The following SPATS2 variants were observed in gnomAD, a reference collection of about 807,000 sequenced individuals.
SPATS2 encodes spermatogenesis associated serine rich 2, also known as spermatogenesis-associated serine-rich protein 2.
A neutral mutation model predicts 63.7 loss-of-function variants in SPATS2; 38 were observed. That is an observed-to-expected ratio of 0.60 (90% confidence interval 0.46 to 0.78). The LOEUF (loss-of-function observed/expected upper bound fraction) is 0.78, where lower values mean the gene tolerates loss of function less well. Among genes scored for constraint, SPATS2 ranks in the 30% least tolerant of loss-of-function variants. The probability of loss-of-function intolerance (pLI) is 0.00; values close to 1 mark genes in which losing one functional copy is unlikely to be tolerated. For missense variants in SPATS2, 588 were observed against 666.2 expected (o/e 0.88, Z 1.29); for synonymous variants, 207 against 232.9 (o/e 0.89, Z 1.01).
intron 3 of SPATS2, among the ~76,000 whole-genome samples, chr12:49,480,999 C>A (rs1309757603): frequency 1.3e-5 from 2 of 152,160 alleles, no homozygotes; most frequent in African/African-American, 2.4e-5. Context: ...TCAGCTATTT[C>A]TATGTCATTC....
intron 3 of SPATS2, chr12:49,462,158 A>G (rs1280370137): frequency 2.0e-5 from 12 of 598,558 alleles, no homozygotes; most frequent in Non-Finnish European, 3.6e-5. Flanking sequence ...TCTTTATTTC[A>G]TGTCTGTGTT....
At chr12:49,481,870 T>C (rs989991047) in intron 3 of SPATS2, among the ~76,000 whole-genome samples, 3 of 152,250 alleles carry the variant, frequency 2.0e-5, no homozygotes, top group South Asian at 4.2e-4. Context: ...AATGTGTTTC[T>C]GATAGAATAC....
intron 2 of SPATS2, among the ~76,000 whole-genome samples, chr12:49,400,030 C>T (rs548916377): frequency 9.1e-4 from 138 of 152,076 alleles, no homozygotes; most frequent in African/African-American, 3.0e-3. Context: ...AGCGAGACTC[C>T]GTCTCAAAAA....
At chr12:49,434,525 C>T (rs1431999920) in intron 2 of SPATS2, among the ~76,000 whole-genome samples, 1 of 152,010 alleles carries the variant, frequency 6.6e-6, no homozygotes, top group African/African-American at 2.4e-5. Flanking sequence ...GTTCCCATTC[C>T]GATAAATATA....
intron 2 of SPATS2, among the ~76,000 whole-genome samples, chr12:49,400,061 A>G (rs867404367): frequency 5.3e-5 from 8 of 152,188 alleles, no homozygotes; most frequent in African/African-American, 1.7e-4. Context: ...ATATGGTACC[A>G]TGTACCAGGC....
intron 2 of SPATS2, among the ~76,000 whole-genome samples, chr12:49,409,172 G>A (rs1470267259): frequency 6.6e-6 from 1 of 152,170 alleles, no homozygotes; most frequent in Non-Finnish European, 1.5e-5. Context: ...AAGAATCTGG[G>A]AAATGGTGCT....
rs1470911199 is a variant in SPATS2 at position 49,516,156 on chromosome 12, AAAAAAAAAAAATAT to A, written c.898+1545_898+1558del. Among the ~76,000 whole-genome samples the A allele has an allele frequency of 3.0e-3, 122 of 41,338 alleles. 12 individuals are homozygous for A. The highest frequency in any genetic ancestry group is 6.7e-3 in the African/African-American group (59 of 8,796). 27.1% of individuals were successfully genotyped at this position (41,338 alleles called of 152,430 possible). On this transcript the variant is annotated intron_variant, in intron 10 of 13. Coordinates refer to ENST00000552918, the MANE Select transcript of SPATS2 (RefSeq NM_023071.4). ...TCCATCTCAAAAAAAAAAAAAAAAAAAAAAAAAAAAATATATATATATATATATATATATATATA... is the reference window on the plus strand; with the variant it reads ...TCCATCTCAAAAAAAAAAAAAAAAAAATATATATATATATATATATATATA...
intron 2 of SPATS2, among the ~76,000 whole-genome samples, chr12:49,430,276 T>G: frequency 6.7e-6 from 1 of 148,772 alleles, no homozygotes; most frequent in Non-Finnish European, 1.5e-5. Context: ...TTTTGTATTA[T>G]TTTTTAGTAG....
chr12:49,426,988 A>T (rs1226063998), intron 2 of SPATS2, among the ~76,000 whole-genome samples: 1 of 152,168 alleles, frequency 6.6e-6, no homozygotes, highest in African/African-American at 2.4e-5. Flanking sequence ...TTATAAATGC[A>T]TTTGTGTTGG....
At position 49,479,739 on chromosome 12, in the gene SPATS2, G is replaced by T. The variant is rs148913226; in HGVS notation, c.26-4851G>T. ...AGCCAGTATGATGTGAATAATGTTA[G>T]TACTCAACTTACTTTATGTATGTGT... On this transcript the variant is annotated intron_variant, in intron 3 of 13. Transcript: ENST00000552918. 4.7e-4 allele frequency among the ~76,000 whole-genome samples: 72 copies of T among 152,286 alleles called. No individual in the cohort carries two copies. The South Asian group carries it at 0.012, about 26-fold the overall frequency.
At chr12:49,483,823 C>G (rs1046481016) in intron 3 of SPATS2, among the ~76,000 whole-genome samples, 1 of 152,194 alleles carries the variant, frequency 6.6e-6, no homozygotes, top group African/African-American at 2.4e-5. Context: ...GAATCACAAC[C>G]TACATTTTAG....
At chr12:49,436,490 T>C (rs1406110625) in intron 2 of SPATS2, among the ~76,000 whole-genome samples, 2 of 133,272 alleles carry the variant, frequency 1.5e-5, no homozygotes, top group Non-Finnish European at 3.2e-5. Flanking sequence ...GAGGCGCCCC[T>C]TACCTCCCGG....
chr12:49,469,183 A>T (rs1457192687), intron 3 of SPATS2, among the ~76,000 whole-genome samples: 1 of 151,940 alleles, frequency 6.6e-6, no homozygotes, highest in Non-Finnish European at 1.5e-5. Context: ...AGATCACTTG[A>T]GGTCAGGACT....
At chr12:49,424,690 T>C (rs1945041243) in intron 2 of SPATS2, among the ~76,000 whole-genome samples, 1 of 152,184 alleles carries the variant, frequency 6.6e-6, no homozygotes, top group South Asian at 2.1e-4. Flanking sequence ...TTGTTTTGTT[T>C]GTTTGAGATG....
At chr12:49,402,051 A>G (rs1944614589) in intron 2 of SPATS2, among the ~76,000 whole-genome samples, 1 of 152,244 alleles carries the variant, frequency 6.6e-6, no homozygotes, top group Admixed American at 6.5e-5. Flanking sequence ...AACACGGCTC[A>G]TCGCAGCCTT....
rs754018918 is a variant in SPATS2 at position 49,486,352 on chromosome 12, C to T, written c.105+1683C>T. 46 of 338,036 alleles carry T rather than the reference C, an allele frequency of 1.4e-4. 2 individuals carry two copies. Among genetic ancestry groups the T allele is most frequent in the South Asian group, 5.7e-4 (27 of 47,110 alleles). The allele number at this position is 338,036 out of a possible 1,614,324, so 20.9% of individuals were successfully genotyped here. ...TCCCGTGTAGCTGGGGATACAGGTGCGTGCCACCATGCCTGGCTAAGTTTT... is the reference window on the plus strand; with the variant it reads ...TCCCGTGTAGCTGGGGATACAGGTGTGTGCCACCATGCCTGGCTAAGTTTT... On this transcript the variant is annotated intron_variant, in intron 4 of 13. Coordinates refer to ENST00000552918, the MANE Select transcript of SPATS2 (RefSeq NM_023071.4).
chr12:49,520,327 A>G (rs577009817), intron 11 of SPATS2, among the ~76,000 whole-genome samples: 1 of 152,200 alleles, frequency 6.6e-6, no homozygotes, highest in Admixed American at 6.5e-5. Flanking sequence ...GATGTTGGCC[A>G]GGCTGGTCTT....
chr12:49,413,124 C>A (rs1419511006), intron 2 of SPATS2, among the ~76,000 whole-genome samples: 4 of 151,962 alleles, frequency 2.6e-5, no homozygotes, highest in South Asian at 4.2e-4. Context: ...GCATAAAACC[C>A]TCATGGTTTT....
intron 9 of SPATS2, among the ~76,000 whole-genome samples, chr12:49,508,136 T>C (rs1003052377): frequency 2.0e-5 from 3 of 152,226 alleles, no homozygotes; most frequent in African/African-American, 7.2e-5. Context: ...TATTCTGCAG[T>C]GTTTACCTTC....
Sources: gnomAD v4.1 joint callset for allele counts (sites outside exome capture counted in the v4.1 genomes callset) on GRCh38, gnomAD v4.1.1 for gene constraint, MANE v1.5 for transcripts, NCBI Gene and HGNC (gene_info 2026-07-23, HGNC 2026-07-21) for gene names.